The following KIF1B variants were observed in gnomAD, a reference collection of about 807,000 sequenced individuals.
The protein encoded by KIF1B is kinesin family member 1B, also known as kinesin-like protein KIF1B.
KIF1B carries 76 observed loss-of-function variants against 241.9 expected under a neutral mutation model. The observed-to-expected ratio is 0.31, with a 90% confidence interval of 0.26 to 0.38. KIF1B has a LOEUF of 0.38. Ranked by LOEUF, KIF1B falls within the 10% of genes least tolerant of loss-of-function variation. The pLI, the probability that KIF1B is intolerant of heterozygous loss-of-function variation, is 1.00. For missense variants in KIF1B, 1,622 were observed against 2,271.4 expected (o/e 0.71, Z 5.81); for synonymous variants, 750 against 796.7 (o/e 0.94, Z 0.99).
intron 32 of KIF1B, 138 bp from the exon 33 acceptor site, chr1:10,341,912 A>ATGAGCC: frequency 1.4e-6 from 1 of 693,964 alleles, no homozygotes; most frequent in Non-Finnish European, 2.6e-6. Flanking sequence ...GTGAGGCCGC[A>ATGAGCC]TGAGCCTTGT....
In KIF1B at chr1:10,337,241, C is replaced by T. The variant is rs749170899; in HGVS notation, c.3259+38C>T. 33 of 1,613,826 alleles carry T rather than the reference C, an allele frequency of 2.0e-5. No homozygotes were observed. The East Asian group carries it at 4.2e-4, about 21-fold the overall frequency. The stretch of plus-strand genomic sequence containing the variant: ...AGTTTACTGTGCTTGGGGACATTTT[C>T]GACAAAGGGAAAATATTGACCATTA... On this transcript the variant is annotated intron_variant, in intron 30 of 48. Coordinates refer to ENST00000676179, the MANE Select transcript of KIF1B (RefSeq NM_001365951.3). This position sits in a 1 kb window ranked among gnomAD's most constrained non-coding sequence, Gnocchi z 4.0.
At chr1:10,255,860 G>A (rs113245042) in intron 2 of KIF1B, among the ~76,000 whole-genome samples, 65 of 152,158 alleles carry the variant, frequency 4.3e-4, no homozygotes, top group African/African-American at 1.5e-3. Context: ...CTCGATAACA[G>A]CTAACTACAT....
In KIF1B at chr1:10,232,388, C is replaced by G. The variant is rs751386973; in HGVS notation, c.60C>G (p.Thr20=). The G allele has an allele frequency of 9.1e-5, 147 of 1,613,964 alleles. No homozygotes were observed. The highest frequency in any genetic ancestry group is 1.2e-4 in the Non-Finnish European group (141 of 1,180,012). ...VRVRPFNSRE[T]SKESKCIIQM... is the part of the protein sequence containing the mutation. ...TAAGGCCCTTCAATTCTCGAGAGAC[C>G]AGCAAGGAATCCAAATGCATCATTC... Residue 20 remains threonine, a synonymous_variant, in exon 2 of 49, where the codon ACC becomes ACG. Coordinates refer to ENST00000676179, the MANE Select transcript of KIF1B (RefSeq NM_001365951.3).
Position 10,323,880 on chromosome 1 carries a change from T to G in KIF1B, c.2359-4T>G. On this transcript the variant is annotated splice_polypyrimidine_tract_variant and splice_region_variant and intron_variant, in intron 24 of 48. Coordinates refer to ENST00000676179, the MANE Select transcript of KIF1B (RefSeq NM_001365951.3). ...TTTGTCAATGGTTTATTCTTTCTAT[T>G]CAGGTGCAGTTTCAGTTTGTTCTGC... 6.2e-7 allele frequency: 1 copy of G among 1,613,046 alleles called. No individual in the cohort carries two copies. Among genetic ancestry groups the G allele is most frequent in the African/African-American group, 1.3e-5 (1 of 75,002 alleles).
intron 12 of KIF1B, among the ~76,000 whole-genome samples, chr1:10,276,906 C>A (rs1347990919): frequency 1.3e-5 from 2 of 152,114 alleles, no homozygotes; most frequent in African/African-American, 4.8e-5. Flanking sequence ...CATGATGAAA[C>A]CCCATCTCTA....
chr1:10,261,463 C>G (rs933578922), intron 4 of KIF1B, among the ~76,000 whole-genome samples: 1 of 151,686 alleles, frequency 6.6e-6, no homozygotes, highest in Non-Finnish European at 1.5e-5. Flanking sequence ...AAGATGTTCT[C>G]GATCTCCTGA....
At chr1:10,220,645 A>G (rs1315671123) in intron 1 of KIF1B, among the ~76,000 whole-genome samples, 1 of 151,994 alleles carries the variant, frequency 6.6e-6, no homozygotes, top group Non-Finnish European at 1.5e-5. Context: ...GCGGTGAAAA[A>G]GTGAGACCCC....
At chr1:10,336,857 G>A in intron 29 of KIF1B, 115 bp downstream of exon 29, 1 of 1,118,622 alleles carries the variant, frequency 8.9e-7, no homozygotes, top group Admixed American at 1.8e-5. Context: ...CCACAGAGTA[G>A]TTCAATAGAA....
intron 15 of KIF1B, among the ~76,000 whole-genome samples, chr1:10,284,675 A>G (rs1426570056): frequency 6.6e-6 from 1 of 151,748 alleles, no homozygotes; most frequent in Non-Finnish European, 1.5e-5. Flanking sequence ...GCAGAGTGAG[A>G]CTCTGTCTCA....
chr1:10,318,376 A>G (rs1326285595), intron 22 of KIF1B, among the ~76,000 whole-genome samples: 3 of 151,474 alleles, frequency 2.0e-5, no homozygotes, highest in Non-Finnish European at 1.5e-5. Context: ...GGATAGTCAT[A>G]CTTATACCCT....
intron 4 of KIF1B, among the ~76,000 whole-genome samples, chr1:10,259,232 A>G (rs1647974649): frequency 6.6e-6 from 1 of 150,998 alleles, no homozygotes; most frequent in Non-Finnish European, 1.5e-5. Context: ...GTTCTGACAT[A>G]GATATTTATT....
At chr1:10,372,662 A>C (rs184097020) in intron 45 of KIF1B, among the ~76,000 whole-genome samples, 31,930 of 113,458 alleles carry the variant, frequency 0.28, 4,536 homozygotes, top group Admixed American at 0.32. Flanking sequence ...TGGGTGACAG[A>C]GCTGTCACCC....
Position 10,378,784 on chromosome 1 carries a change from G to A in KIF1B, c.*2197G>A. ...CCTTATCACTGCATTGTGAAGAGGAGGAAAAGTGAATCACGGAGAGAGAAA... is the reference window on the plus strand; with the variant it reads ...CCTTATCACTGCATTGTGAAGAGGAAGAAAAGTGAATCACGGAGAGAGAAA... On this transcript the variant is annotated 3_prime_UTR_variant, in exon 49 of 49. Coordinates refer to ENST00000676179, the MANE Select transcript of KIF1B (RefSeq NM_001365951.3). 1 of 263,546 alleles carries A rather than the reference G, an allele frequency of 3.8e-6. No individual in the cohort carries two copies. Among genetic ancestry groups the A allele is most frequent in the Non-Finnish European group, 7.3e-6 (1 of 136,140 alleles). The allele number at this position is 263,546 out of a possible 1,614,324, so 16.3% of individuals were successfully genotyped here.
chr1:10,303,110 A>G lies in KIF1B; in HGVS notation c.2115+5864A>G. 1 of 1,563,550 alleles carries G rather than the reference A, an allele frequency of 6.4e-7. No homozygotes were observed. The highest frequency in any genetic ancestry group is 1.2e-5 in the South Asian group (1 of 82,534). ...TTCTTCGATTTAATTTTCCTTTTTT[A>G]CATTTTAATTTTGGTTATTTTGGGG... On this transcript the variant is annotated intron_variant, in intron 22 of 48. Transcript: ENST00000676179. This position sits in a 1 kb window ranked among gnomAD's most constrained non-coding sequence, Gnocchi z 5.2.
intron 22 of KIF1B, chr1:10,307,064 G>A (rs1650866838): frequency 9.6e-7 from 1 of 1,038,838 alleles, no homozygotes; most frequent in Non-Finnish European, 1.2e-6. Context: ...GTTAATCCCA[G>A]GTGTCCTCAT....
intron 27 of KIF1B, among the ~76,000 whole-genome samples, chr1:10,334,054 G>A (rs1652065424): frequency 6.6e-6 from 1 of 150,980 alleles, no homozygotes; most frequent in Non-Finnish European, 1.5e-5. Context: ...GGGAGGCTGA[G>A]GCAGGAGAAT....
At chr1:10,323,827 A>C (rs913329063) in intron 24 of KIF1B, 57 bp from the exon 25 acceptor site, 2 of 1,401,402 alleles carry the variant, frequency 1.4e-6, no homozygotes, top group African/African-American at 2.8e-5. Flanking sequence ...GTATCGTCTC[A>C]TCTCTGAAGC....
chr1:10,348,689 A>C lies in KIF1B; in HGVS notation c.3905A>C (p.Lys1302Thr), dbSNP rs941444889. The C allele has an allele frequency of 2.5e-6, 4 of 1,614,040 alleles. No individual in the cohort carries two copies. The African/African-American group carries it at 5.3e-5, about 22-fold the overall frequency. Residue 1302 changes from lysine to threonine, a missense_variant, in exon 37 of 49, where the codon AAG becomes ACG. Around this residue, in one of 7 missense-constraint regions of KIF1B, gnomAD observed 803 missense variants for 1,112.0 expected, o/e 0.72. Coordinates refer to ENST00000676179, the MANE Select transcript of KIF1B (RefSeq NM_001365951.3). Reference sequence around the variant, plus strand: ...ATCACAGTGACCATTATCCATGAGAAGGGGAGCGAGCTCCATTGGAAAGAT... The same window carrying C: ...ATCACAGTGACCATTATCCATGAGACGGGGAGCGAGCTCCATTGGAAAGAT... Reference protein sequence around the residue: ...RRITVTIIHEKGSELHWKDVR... With the variant: ...RRITVTIIHETGSELHWKDVR...
intron 2 of KIF1B, among the ~76,000 whole-genome samples, chr1:10,236,830 TG>T (rs374959415): frequency 4.0e-5 from 6 of 150,848 alleles, no homozygotes; most frequent in Non-Finnish European, 5.9e-5. Flanking sequence ...ATTATTGGCT[TG>T]TTTTTTTTTT....
Sources: allele counts gnomAD v4.1 joint callset (sites outside exome capture counted in the v4.1 genomes callset), GRCh38; gene constraint gnomAD v4.1.1; regional missense constraint gnomAD v4.1.1; non-coding constraint Gnocchi (gnomAD v3.1); transcripts MANE v1.5; gene names NCBI Gene and HGNC (gene_info 2026-07-23, HGNC 2026-07-21).